Variants in MED15 observed in about 807,000 individuals in gnomAD.
MED15 encodes mediator complex subunit 15.
In MED15, 41 loss-of-function variants were observed where a neutral mutation model predicts 118.7. That is an observed-to-expected ratio of 0.35 (90% CI 0.27 to 0.45). MED15 has a LOEUF of 0.45. Ranked by LOEUF, MED15 falls within the 20% of genes least tolerant of loss-of-function variation. MED15 has a pLI of 1.00. For missense variants in MED15, 740 were observed against 1,025.5 expected (o/e 0.72, Z 3.80); for synonymous variants, 436 against 413.9 (o/e 1.05, Z -0.65).
intron 5 of MED15, 141 bp from the exon 6 acceptor site, chr22:20,564,309 G>A: frequency 7.0e-7 from 1 of 1,418,690 alleles, no homozygotes; most frequent in Non-Finnish European, 9.6e-7. Flanking sequence ...CTTTCTGTCT[G>A]TGGTAAATGG....
intron 1 of MED15, among the ~76,000 whole-genome samples, chr22:20,525,617 A>G (rs1459810031): frequency 6.7e-6 from 1 of 149,302 alleles, no homozygotes; most frequent in Non-Finnish European, 1.5e-5. Context: ...GCTCACTGCA[A>G]ACTCCACCTC....
Position 20,585,763 on chromosome 22 carries a change from C to T in MED15, c.2167C>T (p.Leu723Phe), listed in dbSNP as rs767209653. 6.2e-6 allele frequency: 10 copies of T among 1,613,386 alleles called. No individual in the cohort carries two copies. The highest frequency in any genetic ancestry group is 7.6e-6 in the Non-Finnish European group (9 of 1,180,012). Residue 723 changes from leucine to phenylalanine, a missense_variant, in exon 17 of 18, where the codon CTC (leucine) becomes TTC (phenylalanine). By Grantham distance (22) the Leu-to-Phe change is conservative. This residue lies in a region of MED15 where 179 missense variants were observed against 259.0 expected (regional missense o/e 0.69). Coordinates refer to ENST00000263205, the MANE Select transcript of MED15 (RefSeq NM_001003891.3). The stretch of plus-strand genomic sequence containing the variant: ...CCTCCCAAGTGTGCCACCACTGGAG[C>T]TCAGTGTGCCCGCTGACTATCCTGC... Reference protein sequence around the residue: ...KDLPSVPPLELSVPADYPAQS... With the variant: ...KDLPSVPPLEFSVPADYPAQS...
intron 6 of MED15, among the ~76,000 whole-genome samples, chr22:20,566,216 T>C (rs2056433522): frequency 6.6e-6 from 1 of 151,972 alleles, no homozygotes; most frequent in African/African-American, 2.4e-5. Flanking sequence ...ATTTTTGTAT[T>C]ATTAGTAGAG....
At chr22:20,540,324 A>G (rs2055246481) in intron 2 of MED15, among the ~76,000 whole-genome samples, 1 of 152,222 alleles carries the variant, frequency 6.6e-6, no homozygotes, top group South Asian at 2.1e-4. Flanking sequence ...AAATACATAA[A>G]TCACAGTAGT....
intron 1 of MED15, among the ~76,000 whole-genome samples, chr22:20,516,094 A>G (rs1179868823): frequency 6.6e-6 from 1 of 151,970 alleles, no homozygotes; most frequent in Non-Finnish European, 1.5e-5. Flanking sequence ...AGGCGGGCGG[A>G]TCACCTGAGG....
intron 2 of MED15, among the ~76,000 whole-genome samples, chr22:20,549,757 G>A (rs1458795402): frequency 6.6e-6 from 1 of 152,196 alleles, no homozygotes; most frequent in East Asian, 1.9e-4. Context: ...TGGTCTGGTA[G>A]CAGAGCTGGA....
intron 3 of MED15, chr22:20,552,588 TG>T: frequency 4.5e-6 from 2 of 441,222 alleles, no homozygotes; most frequent in Non-Finnish European, 9.3e-6. Flanking sequence ...CATGAGGTCA[TG>T]GGAAGCAGCC....
At chr22:20,566,443 G>A (rs375443849) in intron 6 of MED15, 24 bp from the exon 7 acceptor site, 37 of 1,608,528 alleles carry the variant, frequency 2.3e-5, no homozygotes, top group Non-Finnish European at 2.5e-5. Context: ...AGTGATAACC[G>A]AGTGCTGCTT....
chr22:20,566,679 G>A lies in MED15; in HGVS notation c.903G>A (p.Pro301=), dbSNP rs766191914. 2.2e-5 allele frequency: 35 copies of A among 1,613,910 alleles called. No individual in the cohort carries two copies. The Admixed American group carries it at 3.2e-4, about 15-fold the overall frequency. ...TGCATCACACACAGCACCACCAGCC[G>A]CCACCACAGCCCCAGCAGCCTCCAG... The part of the protein sequence containing the change: ...QQMHHTQHHQ[P]PPQPQQPPVA... Residue 301 remains proline, a synonymous_variant, in exon 7 of 18, where the codon CCG becomes CCA. Coordinates refer to ENST00000263205, the MANE Select transcript of MED15 (RefSeq NM_001003891.3).
intron 1 of MED15, among the ~76,000 whole-genome samples, chr22:20,521,088 A>ATTTTTT (rs924603121): frequency 1.6e-5 from 1 of 61,500 alleles, no homozygotes; most frequent in Non-Finnish European, 3.1e-5. Flanking sequence ...CAGTTGTTCT[A>ATTTTTT]TTTTTTTTTT....
At chr22:20,525,051 G>A (rs2054584691) in intron 1 of MED15, among the ~76,000 whole-genome samples, 1 of 152,100 alleles carries the variant, frequency 6.6e-6, no homozygotes, top group Non-Finnish European at 1.5e-5. Flanking sequence ...CTATAATCCA[G>A]CACTTTGGGA....
chr22:20,534,489 G>A (rs920053750), intron 1 of MED15, among the ~76,000 whole-genome samples: 4 of 152,070 alleles, frequency 2.6e-5, no homozygotes, highest in African/African-American at 9.7e-5. Flanking sequence ...GCCCCACTGC[G>A]CTGCACCTGT....
chr22:20,578,554 GTGCCTC>G (rs1451853761), intron 9 of MED15, among the ~76,000 whole-genome samples: 1 of 152,232 alleles, frequency 6.6e-6, no homozygotes, highest in Non-Finnish European at 1.5e-5. Context: ...CTCCAGAGGT[GTGCCTC>G]TGCTTTTGTG....
At chr22:20,577,476 T>G (rs1192016061) in intron 9 of MED15, among the ~76,000 whole-genome samples, 1 of 149,320 alleles carries the variant, frequency 6.7e-6, no homozygotes, top group African/African-American at 2.4e-5. Flanking sequence ...CCCTGGCCCT[T>G]AGATTAAGTC....
intron 2 of MED15, among the ~76,000 whole-genome samples, chr22:20,549,094 A>G (rs1371378270): frequency 6.6e-6 from 1 of 152,118 alleles, no homozygotes; most frequent in Non-Finnish European, 1.5e-5. Flanking sequence ...AGCCTCCACG[A>G]TTGGCCTCTA....
intron 1 of MED15, among the ~76,000 whole-genome samples, chr22:20,523,361 A>G (rs1014650382): frequency 1.3e-5 from 2 of 151,938 alleles, no homozygotes; most frequent in African/African-American, 4.8e-5. Context: ...TTTTTTTTAA[A>G]AAAAAAGTTC....
At chr22:20,566,370 GCCAC>G in intron 6 of MED15, 93 bp from the exon 7 acceptor site, 1 of 1,558,816 alleles carries the variant, frequency 6.4e-7, no homozygotes, top group Non-Finnish European at 8.7e-7. Context: ...TCTGCAGATG[GCCAC>G]CTGGGCTTCC....
chr22:20,575,368 C>CTTTTT (rs34936571), intron 9 of MED15, 136 bp downstream of exon 9: 2 of 882,886 alleles, frequency 2.3e-6, no homozygotes, highest in Non-Finnish European at 3.1e-6. Context: ...CCCACAGTCC[C>CTTTTT]TTTTTTTTTT....
chr22:20,586,731 C>T lies in MED15; in HGVS notation c.*27C>T, dbSNP rs373102025. 8.7e-6 allele frequency: 14 copies of T among 1,610,104 alleles called. No individual in the cohort carries two copies. The African/African-American group carries it at 1.6e-4, about 18-fold the overall frequency. ...CAAGACTGCAGGGATGGCCCGCAGC[C>T]TCATCGGGGCCAAGGACACACGCCT... On this transcript the variant is annotated 3_prime_UTR_variant, in exon 18 of 18. Coordinates refer to ENST00000263205, the MANE Select transcript of MED15 (RefSeq NM_001003891.3).
Sources: gnomAD v4.1 joint callset for allele counts (sites outside exome capture counted in the v4.1 genomes callset) on GRCh38, gnomAD v4.1.1 for gene constraint, gnomAD v4.1.1 regional missense constraint, MANE v1.5 for transcripts, NCBI Gene and HGNC (gene_info 2026-07-23, HGNC 2026-07-21) for gene names.